The following PDE4D variants were observed in gnomAD, a reference collection of about 807,000 sequenced individuals.
The protein encoded by PDE4D is phosphodiesterase 4D, also known as 3',5'-cyclic-AMP phosphodiesterase 4D.
A neutral mutation model predicts 87.4 loss-of-function variants in PDE4D; 24 were observed. The observed-to-expected ratio is 0.27, with a 90% CI of 0.20 to 0.39. The LOEUF (loss-of-function observed/expected upper bound fraction) is 0.39, where lower values mean the gene tolerates loss of function less well. Among genes scored for constraint, PDE4D ranks in the 10% least tolerant of loss-of-function variants. The pLI is 1.00. For synonymous variants in PDE4D, 384 were observed against 383.2 expected (o/e 1.00, Z -0.02); for missense variants, 714 against 1,041.0 (o/e 0.69, Z 4.32).
At chr5:59,913,437 T>C (rs1021601949) in intron 3 of PDE4D, among the ~76,000 whole-genome samples, 22 of 152,194 alleles carry the variant, frequency 1.4e-4, no homozygotes, top group African/African-American at 5.1e-4. Flanking sequence ...CAAACATGTC[T>C]AAATTACACA....
intron 1 of PDE4D, among the ~76,000 whole-genome samples, chr5:60,482,640 A>G (rs1429973195): frequency 6.6e-6 from 1 of 152,222 alleles, no homozygotes; most frequent in Non-Finnish European, 1.5e-5. Flanking sequence ...TACTCACTTT[A>G]GGCTTTGATT....
At chr5:59,640,135 T>C (rs774120067) in intron 1 of PDE4D, among the ~76,000 whole-genome samples, 2 of 152,188 alleles carry the variant, frequency 1.3e-5, no homozygotes, top group East Asian at 1.9e-4. Context: ...CAGTGTCTAT[T>C]GTTTTTTGAA....
At chr5:59,027,690 A>G (rs1447940330) in intron 6 of PDE4D, among the ~76,000 whole-genome samples, 3 of 152,092 alleles carry the variant, frequency 2.0e-5, no homozygotes, top group Non-Finnish European at 4.4e-5. Flanking sequence ...CCACGGGTGT[A>G]GGGTTCCATT....
At chr5:59,348,301 A>C (rs142745933) in intron 1 of PDE4D, among the ~76,000 whole-genome samples, 1 of 152,178 alleles carries the variant, frequency 6.6e-6, no homozygotes, top group South Asian at 2.1e-4. Flanking sequence ...TACTGTATCT[A>C]TATGATAGAA....
intron 1 of PDE4D, among the ~76,000 whole-genome samples, chr5:59,326,721 CAT>C (rs1366996064): frequency 3.3e-5 from 5 of 149,296 alleles, no homozygotes; most frequent in African/African-American, 5.1e-5. Context: ...CTCTAAAACA[CAT>C]GTTACAATGA....
chr5:60,234,180 A>G (rs763432280), intron 1 of PDE4D, among the ~76,000 whole-genome samples: 23 of 151,848 alleles, frequency 1.5e-4, no homozygotes, highest in Admixed American at 4.6e-4. Context: ...CACTTCATAT[A>G]AATTGAGTCA....
chr5:59,620,082 A>G (rs1241972340), intron 1 of PDE4D, among the ~76,000 whole-genome samples: 1 of 152,146 alleles, frequency 6.6e-6, no homozygotes, highest in Non-Finnish European at 1.5e-5. Flanking sequence ...AAGGTACAGG[A>G]GCAGATTTCT....
intron 2 of PDE4D, among the ~76,000 whole-genome samples, chr5:60,105,012 G>T (rs1050667902): frequency 3.3e-5 from 5 of 152,240 alleles, no homozygotes; most frequent in Non-Finnish European, 7.3e-5. Context: ...GCTGGACGAA[G>T]AATGACTTTG....
intron 1 of PDE4D, among the ~76,000 whole-genome samples, chr5:59,253,617 G>T (rs1760417516): frequency 6.6e-6 from 1 of 152,020 alleles, no homozygotes; most frequent in Admixed American, 6.6e-5. Context: ...AGTAAAGTCT[G>T]TTTATGAATT....
At chr5:60,103,529 C>T (rs1002526486) in intron 2 of PDE4D, among the ~76,000 whole-genome samples, 1 of 152,084 alleles carries the variant, frequency 6.6e-6, no homozygotes, top group African/African-American at 2.4e-5. Flanking sequence ...CCAACATGAG[C>T]CAAACTGTTA....
intron 2 of PDE4D, among the ~76,000 whole-genome samples, chr5:60,014,568 A>C (rs1020362419): frequency 6.6e-6 from 1 of 152,170 alleles, no homozygotes; most frequent in African/African-American, 2.4e-5. Context: ...GCTAGGAGAC[A>C]AGGGTGATTA....
At chr5:59,050,620 GTTA>G (rs1214526494) in intron 5 of PDE4D, among the ~76,000 whole-genome samples, 1 of 152,210 alleles carries the variant, frequency 6.6e-6, no homozygotes, top group East Asian at 1.9e-4. Context: ...GGCTAAGAAA[GTTA>G]TTATACACAC....
At chr5:60,324,932 A>G (rs763259130) in intron 1 of PDE4D, among the ~76,000 whole-genome samples, 2 of 152,218 alleles carry the variant, frequency 1.3e-5, no homozygotes, top group Non-Finnish European at 2.9e-5. Flanking sequence ...TTCAGACTAG[A>G]AAACTCAAAG....
intron 1 of PDE4D, among the ~76,000 whole-genome samples, chr5:59,473,441 AC>A (rs1802789864): frequency 6.6e-6 from 1 of 152,084 alleles, no homozygotes; most frequent in African/African-American, 2.4e-5. Flanking sequence ...CATTTAGAAG[AC>A]TGTAGACAAC....
chr5:60,167,167 C>T (rs1439946396), intron 2 of PDE4D, among the ~76,000 whole-genome samples: 40 of 151,980 alleles, frequency 2.6e-4, no homozygotes. Flanking sequence ...TTCTTCTTGA[C>T]ACCAATGACT....
chr5:59,216,018 A>G lies in PDE4D; in HGVS notation c.456-50T>C, dbSNP rs551502465. On this transcript the variant is annotated intron_variant, in intron 1 of 14. Transcript: ENST00000340635. ...TGTTGCTGTGAACATTCACATGTTC[A>G]TATTTTCAAAAAGCATTTAGCGTCA... The G allele has an allele frequency of 3.6e-6, 5 of 1,375,998 alleles. No homozygotes were observed. The East Asian group carries it at 9.7e-5, about 27-fold the overall frequency. 85.2% of individuals were successfully genotyped at this position (1,375,998 alleles called of 1,614,324 possible). A position where few individuals can be genotyped will look rare whatever the true frequency, so the allele number is the denominator to read the frequency against.
chr5:59,909,443 T>C (rs1222257491), intron 3 of PDE4D, among the ~76,000 whole-genome samples: 2 of 152,032 alleles, frequency 1.3e-5, no homozygotes, highest in African/African-American at 4.8e-5. Flanking sequence ...TTACCCAGGC[T>C]GGAGTGCCCT....
intron 1 of PDE4D, among the ~76,000 whole-genome samples, chr5:59,469,562 T>G (rs993600286): frequency 2.0e-5 from 3 of 152,104 alleles, no homozygotes; most frequent in Non-Finnish European, 4.4e-5. Flanking sequence ...CCTTGAACAG[T>G]GCTCCTGAGT....
chr5:60,356,756 C>A (rs1759659421), intron 1 of PDE4D, among the ~76,000 whole-genome samples: 1 of 152,134 alleles, frequency 6.6e-6, no homozygotes, highest in African/African-American at 2.4e-5. Flanking sequence ...TGATGCCACA[C>A]ACTAAATTTG....
Sources: gnomAD v4.1 joint callset for allele counts (sites outside exome capture counted in the v4.1 genomes callset) on GRCh38, gnomAD v4.1.1 for gene constraint, MANE v1.5 for transcripts, NCBI Gene and HGNC (gene_info 2026-07-23, HGNC 2026-07-21) for gene names.